SMG6: variants seen among roughly 807,000 people sequenced by gnomAD.
SMG6 encodes SMG6 nonsense mediated mRNA decay factor, also known as telomerase-binding protein EST1A.
A neutral mutation model predicts 142.2 loss-of-function variants in SMG6; 66 were observed. That is an observed-to-expected ratio of 0.46 (90% confidence interval 0.38 to 0.57). SMG6 has a LOEUF of 0.57. SMG6 is among the 20% of genes least tolerant of loss of function. The probability of loss-of-function intolerance (pLI) is 0.00; values close to 1 mark genes in which losing one functional copy is unlikely to be tolerated. For synonymous variants in SMG6, 779 were observed against 702.4 expected, an observed-to-expected ratio of 1.11 and a Z score of -1.72; for missense variants, 1,793 against 1,832.0, an observed-to-expected ratio of 0.98 and a Z score of 0.39.
chr17:2,126,727 A>T (rs911047213), intron 13 of SMG6, among the ~76,000 whole-genome samples: 29 of 150,648 alleles, frequency 1.9e-4, no homozygotes, highest in Non-Finnish European at 3.1e-4. Flanking sequence ...AAAAAAAAAA[A>T]AAAAAAGCAA....
chr17:2,279,804 C>G (rs1045729616), intron 8 of SMG6, among the ~76,000 whole-genome samples: 2 of 152,188 alleles, frequency 1.3e-5, no homozygotes, highest in African/African-American at 2.4e-5. Context: ...CTGAACTACT[C>G]GCAGTTCCTG....
At chr17:2,280,673 A>G (rs2074765543) in intron 8 of SMG6, 1 of 733,746 alleles carries the variant, frequency 1.4e-6, no homozygotes, top group Admixed American at 6.3e-5. Flanking sequence ...TGATGTACAA[A>G]CTAAAAATAT....
intron 13 of SMG6, chr17:2,086,966 T>A (rs919108556): frequency 2.0e-5 from 26 of 1,272,812 alleles, no homozygotes; most frequent in Non-Finnish European, 2.6e-5. Flanking sequence ...GGCCCCTTCA[T>A]CCTCACTGAC....
chr17:2,156,997 TAA>T (rs1264158260), intron 13 of SMG6, among the ~76,000 whole-genome samples: 1 of 152,140 alleles, frequency 6.6e-6, no homozygotes, highest in African/African-American at 2.4e-5. Flanking sequence ...GGGAAGGGTT[TAA>T]AAAAGTGTTT....
intron 10 of SMG6, among the ~76,000 whole-genome samples, chr17:2,228,110 C>A (rs1326038521): frequency 6.6e-6 from 1 of 152,222 alleles, no homozygotes; most frequent in Non-Finnish European, 1.5e-5. Flanking sequence ...GTCACCCAGG[C>A]TGGAGTGCAG....
chr17:2,196,290 C>T (rs140062307), intron 10 of SMG6, among the ~76,000 whole-genome samples: 1,589 of 152,198 alleles, frequency 0.01, 33 homozygotes, highest in African/African-American at 0.035. Flanking sequence ...GGCGTGGCGG[C>T]GCGTGCCTGT....
intron 8 of SMG6, among the ~76,000 whole-genome samples, chr17:2,278,035 G>T (rs1396053102): frequency 6.6e-6 from 1 of 151,966 alleles, no homozygotes; most frequent in African/African-American, 2.4e-5. Context: ...GAAACAGAGG[G>T]AGATCCTATC....
At chr17:2,069,159 C>A (rs764298934) in intron 15 of SMG6, among the ~76,000 whole-genome samples, 8 of 152,086 alleles carry the variant, frequency 5.3e-5, no homozygotes, top group Non-Finnish European at 8.8e-5. Flanking sequence ...TACAACCCTG[C>A]CGAGGGCTGA....
chr17:2,296,133 C>T (rs969101501), intron 4 of SMG6, among the ~76,000 whole-genome samples: 3 of 152,158 alleles, frequency 2.0e-5, no homozygotes, highest in Non-Finnish European at 4.4e-5. Context: ...AATGGTTCCC[C>T]AGTGCTTTCA....
rs1031511437 is a variant in SMG6 at position 2,151,386 on chromosome 17, C to T, written c.3357+21272G>A. Among the ~76,000 whole-genome samples the T allele has an allele frequency of 4.6e-5, 7 of 152,298 alleles. No homozygotes were observed. In the East Asian group the frequency reaches 7.7e-4, roughly 17 times the overall value. ...CAGAAAAAGAAAGTTTTAAGCCTGC[C>T]TACAAGTTGCTGTTTGCTTACAAAA... On this transcript the variant is annotated intron_variant, in intron 13 of 18. Transcript: ENST00000263073.
chr17:2,266,876 G>A (rs1177348034), intron 8 of SMG6, among the ~76,000 whole-genome samples: 1 of 152,106 alleles, frequency 6.6e-6, no homozygotes, highest in Non-Finnish European at 1.5e-5. Context: ...GCCTACCAGG[G>A]GCTGCTCCTT....
At chr17:2,266,232 G>A in intron 8 of SMG6, 1 of 965,620 alleles carries the variant, frequency 1.0e-6, no homozygotes, top group Non-Finnish European at 1.2e-6. Flanking sequence ...AGGTCACGTG[G>A]GGTGGAAAGT....
Position 2,188,387 on chromosome 17 carries a change from C to A in SMG6, c.2986+12G>T. 5 of 1,612,630 alleles carry A rather than the reference C, an allele frequency of 3.1e-6. No homozygotes were observed. Among genetic ancestry groups the A allele is most frequent in the Non-Finnish European group, 3.4e-6 (4 of 1,178,868 alleles). ...TGGAAAGCCCACCAGGCTGGGGACT[C>A]CTCCTGCTTACCTTTGGCGGACTCC... On this transcript the variant is annotated intron_variant, in intron 11 of 18. Coordinates refer to ENST00000263073, the MANE Select transcript of SMG6 (RefSeq NM_017575.5).
intron 13 of SMG6, among the ~76,000 whole-genome samples, chr17:2,099,271 G>A: frequency 6.6e-6 from 1 of 152,038 alleles, no homozygotes; most frequent in African/African-American, 2.4e-5. Context: ...GCTACCTTCT[G>A]TTTGGGGGGT....
Position 2,085,848 on chromosome 17 carries a change from G to A in SMG6, c.3411C>T (p.Ala1137=), listed in dbSNP as rs1465889234. The A allele has an allele frequency of 1.2e-6, 2 of 1,614,134 alleles. No homozygotes were observed. Among genetic ancestry groups the A allele is most frequent in the East Asian group, 2.2e-5 (1 of 44,886 alleles). ...GCAGAGGCTCTTCTTGTCCACAAAG[G>A]GCTTCCAGAAAATACTTCAGCACTG... is the stretch of plus-strand genomic sequence containing the variant. The part of the protein sequence containing the change: ...RVTVLKYFLE[A]LCGQEEPLLA... Residue 1137 remains alanine, a synonymous_variant, in exon 14 of 19, where the codon GCC becomes GCT. Transcript: ENST00000263073. This position sits in a 1 kb window ranked among gnomAD's most constrained non-coding sequence, Gnocchi z 4.1.
intron 8 of SMG6, among the ~76,000 whole-genome samples, chr17:2,251,485 A>G (rs375363279): frequency 1.3e-5 from 2 of 152,128 alleles, no homozygotes; most frequent in East Asian, 1.9e-4. Context: ...TCAATTAAAC[A>G]TAAGTTCCTG....
intron 6 of SMG6, among the ~76,000 whole-genome samples, chr17:2,290,938 A>C (rs2075017266): frequency 6.6e-6 from 1 of 152,246 alleles, no homozygotes; most frequent in South Asian, 2.1e-4. Flanking sequence ...CAGAACAGGT[A>C]AAGATACAGA....
intron 14 of SMG6, among the ~76,000 whole-genome samples, chr17:2,084,192 C>T (rs959586604): frequency 1.3e-4 from 20 of 152,210 alleles, no homozygotes; most frequent in Admixed American, 2.0e-4. Context: ...CCTGGCTGTG[C>T]CCTCAGCCTG....
intron 13 of SMG6, among the ~76,000 whole-genome samples, chr17:2,144,108 G>C (rs538324335): frequency 2.6e-3 from 372 of 143,454 alleles, no homozygotes; most frequent in South Asian, 4.5e-3. Context: ...GCCCAGGCTG[G>C]AGTGCAATGG....
Sources: allele counts gnomAD v4.1 joint callset (sites outside exome capture counted in the v4.1 genomes callset), GRCh38; gene constraint gnomAD v4.1.1; non-coding constraint Gnocchi (gnomAD v3.1); transcripts MANE v1.5; gene names NCBI Gene and HGNC (gene_info 2026-07-23, HGNC 2026-07-21).